Variants in ZFHX3 observed in about 807,000 individuals in gnomAD.
ZFHX3 encodes zinc finger homeobox protein 3.
A neutral mutation model predicts 279.1 loss-of-function variants in ZFHX3; 42 were observed. The ratio of observed to expected loss-of-function variants is 0.15; its 90% CI spans 0.12 to 0.19. The LOEUF (loss-of-function observed/expected upper bound fraction) is 0.19. Ranked by LOEUF, ZFHX3 falls within the 10% of genes least tolerant of loss-of-function variation. The pLI, the probability that ZFHX3 is intolerant of heterozygous loss-of-function variation, is 1.00. For synonymous variants in ZFHX3, 2,293 were observed against 1,957.8 expected (o/e 1.17, Z -4.52); for missense variants, 4,981 against 4,754.0 (o/e 1.05, Z -1.40).
chr16:73,183,521 T>A (rs944301385), intron 5 of ZFHX3, among the ~76,000 whole-genome samples: 3 of 152,168 alleles, frequency 2.0e-5, no homozygotes, highest in Non-Finnish European at 2.9e-5. Context: ...CCATCCAATG[T>A]TCCCTGTCTG....
In ZFHX3 at chr16:73,564,253, C is replaced by G. The variant is rs200053447; in HGVS notation, c.-1546-107995G>C. Among the ~76,000 whole-genome samples, 269 of 152,314 alleles carry G rather than the reference C, an allele frequency of 1.8e-3. 2 individuals are homozygous for G. Among genetic ancestry groups the G allele is most frequent in the East Asian group, 3.1e-3 (16 of 5,168 alleles). On this transcript the variant is annotated intron_variant, in intron 2 of 17. Coordinates refer to the ZFHX3 transcript ENST00000641206. ...CGTATCATGGTCACCATCATCCTCG[C>G]TCTCTGCATAACCCCAGGTGCCCTG...
In ZFHX3 at chr16:72,796,402, G is replaced by A. The variant is rs778523581; in HGVS notation, c.6280C>T (p.Leu2094=). The A allele has an allele frequency of 1.2e-6, 2 of 1,612,764 alleles. No individual in the cohort carries two copies. Among genetic ancestry groups the A allele is most frequent in the East Asian group, 2.2e-5 (1 of 44,840 alleles). ...ATCATCAGCGGCGAGAAGATGGGCA[G>A]CTCCATCGGCATGGAGAGCTGGGTG... is the stretch of plus-strand genomic sequence containing the variant. ...PLTQLSMPME[L]PIFSPLMMQT... Residue 2094 remains leucine (L), a synonymous_variant, in exon 9 of 10, where the codon CTG becomes TTG. Transcript: ENST00000268489.
chr16:73,087,017 C>T (rs190362918), intron 8 of ZFHX3, among the ~76,000 whole-genome samples: 1 of 152,232 alleles, frequency 6.6e-6, no homozygotes, highest in East Asian at 1.9e-4. Context: ...ACAGGTATCC[C>T]AGTTACCCTG....
intron 2 of ZFHX3, among the ~76,000 whole-genome samples, chr16:73,655,022 G>A (rs2052709647): frequency 6.6e-6 from 1 of 151,842 alleles, no homozygotes; most frequent in African/African-American, 2.4e-5. Flanking sequence ...CACCATGCCT[G>A]GCTAATTTTT....
chr16:73,290,129 G>T (rs1245663710), intron 4 of ZFHX3, among the ~76,000 whole-genome samples: 2 of 152,114 alleles, frequency 1.3e-5, no homozygotes, highest in African/African-American at 4.8e-5. Flanking sequence ...TTCATTGAGT[G>T]CTCGCCATAT....
rs574435057 is a variant in ZFHX3, at chr16:73,793,929, G to C, written c.-1608+97722C>G. ...AATGGATAGCCTTTGGGTGGTGATT[G>C]GGGGGAGGGGTGTGGCTGGATTTAT... On this transcript the variant is annotated intron_variant, in intron 1 of 17. Coordinates refer to the ZFHX3 transcript ENST00000641206. The C allele has an allele frequency of 4.0e-5, 6 of 151,424 alleles. No individual in the cohort carries two copies. The East Asian group carries it at 9.7e-4, about 24-fold the overall frequency. The allele number at this position is 151,424 out of a possible 1,614,324, so 9.4% of individuals were successfully genotyped here. A position where few individuals can be genotyped will look rare whatever the true frequency, so the allele number is the denominator to read the frequency against.
intron 1 of ZFHX3, among the ~76,000 whole-genome samples, chr16:73,005,196 A>C (rs562092649): frequency 6.6e-6 from 1 of 152,334 alleles, no homozygotes; most frequent in African/African-American, 2.4e-5. Context: ...GGATTAAATA[A>C]GTTCATATAA....
intron 2 of ZFHX3, among the ~76,000 whole-genome samples, chr16:73,499,008 G>A (rs1165141377): frequency 1.3e-5 from 2 of 152,170 alleles, no homozygotes; most frequent in African/African-American, 2.4e-5. Context: ...TGAACTATGT[G>A]TTTATGAGAC....
intron 1 of ZFHX3, among the ~76,000 whole-genome samples, chr16:73,042,156 A>T (rs751360656): frequency 6.6e-6 from 1 of 152,210 alleles, no homozygotes; most frequent in Non-Finnish European, 1.5e-5. Flanking sequence ...GAAGGGAGAC[A>T]GACTTCCATA....
At chr16:72,971,110 C>T (rs893967291) in intron 1 of ZFHX3, among the ~76,000 whole-genome samples, 4 of 152,094 alleles carry the variant, frequency 2.6e-5, no homozygotes, top group Non-Finnish European at 4.4e-5. Context: ...TTATGTAGGC[C>T]GCCCTTTTAA....
intron 2 of ZFHX3, among the ~76,000 whole-genome samples, chr16:73,651,054 G>A (rs903105562): frequency 4.0e-5 from 6 of 151,890 alleles, no homozygotes; most frequent in Non-Finnish European, 8.8e-5. Flanking sequence ...ATATATGCAG[G>A]ACACTATAAA....
At position 72,794,207 on chromosome 16, in the gene ZFHX3, A is replaced by T; in HGVS notation, c.8475T>A (p.Phe2825Leu). 3 of 1,614,210 alleles carry T rather than the reference A, an allele frequency of 1.9e-6. No individual in the cohort carries two copies. The highest frequency in any genetic ancestry group is 2.5e-6 in the Non-Finnish European group (3 of 1,180,040). The change falls in exon 9 of 10, where the codon TTT (phenylalanine) becomes TTA (leucine). Residue 2825 changes from phenylalanine to leucine, a missense_variant. Around this residue, in one of 7 missense-constraint regions of ZFHX3, gnomAD observed 744 missense variants for 701.3 expected, o/e 1.06. Transcript: ENST00000268489. The surrounding 1 kb of genome is among the most constrained non-coding windows in gnomAD (Gnocchi z 4.2). ...SPSMSSVNLN[F>L]DQTKLDNDDC... ...CATCGTTGTCCAGCTTAGTTTGGTC[A>T]AAGTTTAGATTAACTGAGGACATGG...
intron 8 of ZFHX3, among the ~76,000 whole-genome samples, chr16:72,799,771 TAAG>T (rs1168484055): frequency 6.6e-6 from 1 of 152,228 alleles, no homozygotes; most frequent in Non-Finnish European, 1.5e-5. Context: ...TTGTATAGTT[TAAG>T]AAGATGTGTG....
At chr16:72,908,541 G>A (rs537427074) in intron 3 of ZFHX3, among the ~76,000 whole-genome samples, 5 of 152,152 alleles carry the variant, frequency 3.3e-5, no homozygotes, top group Non-Finnish European at 7.4e-5. Context: ...TTGATCGTCC[G>A]TTCACTTACC....
intron 4 of ZFHX3, among the ~76,000 whole-genome samples, chr16:73,265,078 C>CGTGTGTGTGTGTGT (rs72075949): frequency 1.4e-3 from 204 of 145,978 alleles, no homozygotes; most frequent in East Asian, 4.3e-3. Context: ...CGCATATATG[C>CGTGTGTGTGTGTGT]GTGTGTGTGT....
In ZFHX3 at chr16:73,886,772, TAAAC is replaced by T. The variant is rs372264928; in HGVS notation, c.-1608+4875_-1608+4878del. Among the ~76,000 whole-genome samples, 275 of 152,270 alleles carry T rather than the reference TAAAC, an allele frequency of 1.8e-3. 2 individuals carry two copies. The highest frequency in any genetic ancestry group is 5.9e-3 in the African/African-American group (244 of 41,560). ...AAAATCAGGGAGATGTATGGGGAGA[TAAAC>T]AAACAGTGTATTAAGAAATAAACAT... is the stretch of plus-strand genomic sequence containing the variant. On this transcript the variant is annotated intron_variant, in intron 1 of 17. Coordinates refer to the ZFHX3 transcript ENST00000641206.
At chr16:73,644,010 C>G (rs2052596068) in intron 2 of ZFHX3, among the ~76,000 whole-genome samples, 1 of 152,142 alleles carries the variant, frequency 6.6e-6, no homozygotes, top group African/African-American at 2.4e-5. Context: ...ATTGCCACAT[C>G]CAATGGCCTG....
At chr16:73,875,151 C>T (rs538754017) in intron 1 of ZFHX3, among the ~76,000 whole-genome samples, 111 of 152,216 alleles carry the variant, frequency 7.3e-4, no homozygotes, top group African/African-American at 2.6e-3. Context: ...TTCCAAATAA[C>T]ATAAAATATT....
At chr16:73,794,794 T>A (rs1026087160) in intron 1 of ZFHX3, among the ~76,000 whole-genome samples, 2 of 152,246 alleles carry the variant, frequency 1.3e-5, no homozygotes, top group African/African-American at 4.8e-5. Flanking sequence ...AAATAGGGTT[T>A]ACATATTACA....
Sources: allele counts gnomAD v4.1 joint callset (sites outside exome capture counted in the v4.1 genomes callset), GRCh38; gene constraint gnomAD v4.1.1; regional missense constraint gnomAD v4.1.1; non-coding constraint Gnocchi (gnomAD v3.1); transcripts MANE v1.5; gene names NCBI Gene and HGNC (gene_info 2026-07-23, HGNC 2026-07-21).